PCGF5: variants seen among roughly 807,000 people sequenced by gnomAD.
PCGF5 encodes polycomb group RING finger protein 5.
A neutral mutation model predicts 44.3 loss-of-function variants in PCGF5; 9 were observed. That is an observed-to-expected ratio of 0.20 (90% CI 0.12 to 0.35). The LOEUF (loss-of-function observed/expected upper bound fraction) is 0.35, where lower values mean the gene tolerates loss of function less well. Ranked by LOEUF, PCGF5 falls within the 10% of genes least tolerant of loss-of-function variation. The probability of loss-of-function intolerance (pLI) is 1.00; values close to 1 mark genes in which losing one functional copy is unlikely to be tolerated. For missense variants in PCGF5, 146 were observed against 305.3 expected (o/e 0.48, Z 3.89); for synonymous variants, 95 against 102.5 (o/e 0.93, Z 0.44).
chr10:91,244,573 T>C (rs373818833), intron 3 of PCGF5, among the ~76,000 whole-genome samples: 7 of 152,288 alleles, frequency 4.6e-5, no homozygotes, highest in East Asian at 3.9e-4. Flanking sequence ...ATGAACATGT[T>C]GATGACTGTG....
In PCGF5 at chr10:91,264,497, A is replaced by G; in HGVS notation, c.640A>G (p.Arg214Gly). ...DHTMEFIYMTRWRLRGENFRC... is the reference protein window; with the variant it reads ...DHTMEFIYMTGWRLRGENFRC... ...TACTATGGAATTCATCTACATGACA[A>G]GATGGCGACTAAGAGGCGAAAACGT... Residue 214 changes from arginine to glycine, a missense_variant, in exon 8 of 10, where the codon AGA becomes GGA. Arg to Gly is a moderately radical substitution (Grantham distance 125). This residue lies in a region of PCGF5 where 123 missense variants were observed against 268.6 expected (regional missense o/e 0.46). Coordinates refer to ENST00000336126, the MANE Select transcript of PCGF5 (RefSeq NM_032373.5). 6.2e-7 allele frequency: 1 copy of G among 1,611,704 alleles called. No individual in the cohort carries two copies. Among genetic ancestry groups the G allele is most frequent in the South Asian group, 1.1e-5 (1 of 90,636 alleles).
intron 7 of PCGF5, among the ~76,000 whole-genome samples, chr10:91,263,112 G>T (rs992753383): frequency 6.6e-6 from 1 of 152,124 alleles, no homozygotes; most frequent in Admixed American, 6.5e-5. Flanking sequence ...ATCTTTTTCA[G>T]TTCCCCCCTT....
intron 1 of PCGF5, among the ~76,000 whole-genome samples, chr10:91,193,473 A>G (rs933469300): frequency 1.3e-5 from 2 of 152,082 alleles, no homozygotes; most frequent in African/African-American, 4.8e-5. Context: ...TAGTGGAGTA[A>G]GAATGTGTTC....
At chr10:91,159,068 A>G (rs973776818), upstream of PCGF5, among the ~76,000 whole-genome samples, 2 of 152,192 alleles carry the variant, frequency 1.3e-5, no homozygotes, top group African/African-American at 2.4e-5. Context: ...AGCTAGAAAG[A>G]TAACTGAGCA....
chr10:91,230,543 G>A (rs748204745), intron 2 of PCGF5, among the ~76,000 whole-genome samples: 1 of 152,012 alleles, frequency 6.6e-6, no homozygotes, highest in Admixed American at 6.5e-5. Context: ...AATATATAAT[G>A]TCAGAACCAC....
intron 1 of PCGF5, among the ~76,000 whole-genome samples, chr10:91,189,010 A>C (rs903167844): frequency 6.6e-5 from 10 of 152,210 alleles, no homozygotes; most frequent in Admixed American, 3.3e-4. Context: ...AGGTCTACTG[A>C]GATAGGTGAT....
chr10:91,164,228 C>G (rs960838278), intron 1 of PCGF5, among the ~76,000 whole-genome samples: 1 of 152,060 alleles, frequency 6.6e-6, no homozygotes, highest in Non-Finnish European at 1.5e-5. Flanking sequence ...GGGGTCCCCC[C>G]CTTCCACAAT....
intron 1 of PCGF5, among the ~76,000 whole-genome samples, chr10:91,183,909 A>G (rs1296034581): frequency 6.6e-6 from 1 of 152,150 alleles, no homozygotes; most frequent in African/African-American, 2.4e-5. Flanking sequence ...TCTGGCTTGT[A>G]GGGTTTCTGC....
chr10:91,228,631 A>G (rs1490915430), intron 2 of PCGF5, among the ~76,000 whole-genome samples: 1 of 152,358 alleles, frequency 6.6e-6, no homozygotes, highest in African/African-American at 2.4e-5. Context: ...TAACCCTAAG[A>G]TGATAGAATT....
rs551184723 is a variant in PCGF5 at position 91,229,237 on chromosome 10, A to G, written c.112+6254A>G. ...TCTAGCCACTGCAACACAGCAATAA[A>G]TAGAACAGGCATAGTCTGTGCCCTC... On this transcript the variant is annotated intron_variant, in intron 2 of 9. Coordinates refer to ENST00000336126, the MANE Select transcript of PCGF5 (RefSeq NM_032373.5). 6.6e-5 allele frequency among the ~76,000 whole-genome samples: 10 copies of G among 152,328 alleles called. No homozygotes were observed. The East Asian group carries it at 1.7e-3, about 26-fold the overall frequency.
At chr10:91,181,217 G>T (rs547952010) in intron 1 of PCGF5, among the ~76,000 whole-genome samples, 31 of 152,232 alleles carry the variant, frequency 2.0e-4, no homozygotes, top group Admixed American at 1.8e-3. Flanking sequence ...GTATTCTGAG[G>T]TTTGCTGAAG....
chr10:91,259,515 A>C (rs912212189), intron 6 of PCGF5, among the ~76,000 whole-genome samples: 1 of 152,224 alleles, frequency 6.6e-6, no homozygotes, highest in African/African-American at 2.4e-5. Flanking sequence ...TTGCCAAGTC[A>C]ATCCTAAGCC....
chr10:91,231,939 TATAAC>T (rs1320305423), intron 2 of PCGF5, among the ~76,000 whole-genome samples: 5 of 152,198 alleles, frequency 3.3e-5, no homozygotes, highest in African/African-American at 7.2e-5. Flanking sequence ...GAATGTAAGT[TATAAC>T]ATATTCAAAT....
intron 3 of PCGF5, among the ~76,000 whole-genome samples, chr10:91,245,024 G>T (rs1038211922): frequency 6.6e-6 from 1 of 152,168 alleles, no homozygotes; most frequent in African/African-American, 2.4e-5. Context: ...CTTTCAAACT[G>T]TAAGCAGGAT....
At chr10:91,208,813 A>G (rs1018891688) in intron 1 of PCGF5, among the ~76,000 whole-genome samples, 4 of 152,340 alleles carry the variant, frequency 2.6e-5, no homozygotes, top group African/African-American at 9.6e-5. Flanking sequence ...ACCATGGGAA[A>G]TAGTGACACC....
chr10:91,231,153 T>C (rs11186510), intron 2 of PCGF5, among the ~76,000 whole-genome samples: 65,752 of 152,068 alleles, frequency 0.43, 15,939 homozygotes, highest in African/African-American at 0.65. Context: ...AATAGTAACA[T>C]GTGTAGGGTC....
At chr10:91,236,019 A>G (rs972794856) in intron 2 of PCGF5, among the ~76,000 whole-genome samples, 3 of 152,224 alleles carry the variant, frequency 2.0e-5, no homozygotes, top group Non-Finnish European at 4.4e-5. Context: ...TTGAGGTTGC[A>G]GTGAACCATG....
chr10:91,265,697 G>C (rs945802757), intron 8 of PCGF5, among the ~76,000 whole-genome samples: 1 of 152,114 alleles, frequency 6.6e-6, no homozygotes. Context: ...ATTGTCTTAT[G>C]GGTAAGATAT....
At chr10:91,257,687 T>C (rs1232254859) in intron 6 of PCGF5, among the ~76,000 whole-genome samples, 1 of 152,154 alleles carries the variant, frequency 6.6e-6, no homozygotes, top group Non-Finnish European at 1.5e-5. Flanking sequence ...TGCAGAATTG[T>C]ATGCAGCTTA....
Sources: allele counts gnomAD v4.1 joint callset (sites outside exome capture counted in the v4.1 genomes callset), GRCh38; gene constraint gnomAD v4.1.1; regional missense constraint gnomAD v4.1.1; transcripts MANE v1.5; gene names NCBI Gene and HGNC (gene_info 2026-07-23, HGNC 2026-07-21).